Variants in PITPNA observed in about 807,000 individuals in gnomAD.
PITPNA encodes the protein phosphatidylinositol transfer protein alpha, also known as phosphatidylinositol transfer protein alpha isoform.
A neutral mutation model predicts 50.3 loss-of-function variants in PITPNA; 13 were observed. The observed-to-expected ratio is 0.26, with a 90% confidence interval of 0.17 to 0.41. PITPNA has a LOEUF of 0.41. PITPNA is among the 10% of genes least tolerant of loss of function. PITPNA has a pLI of 1.00. For missense variants in PITPNA, 207 were observed against 333.4 expected (o/e 0.62, Z 2.95); for synonymous variants, 120 against 119.6 (o/e 1.00, Z -0.02).
At position 1,519,062 on chromosome 17, in the gene PITPNA, T is replaced by G. The variant is rs908047357; in HGVS notation, c.*1499A>C. The G allele has an allele frequency of 4.6e-5, 7 of 152,372 alleles. No homozygotes were observed. The highest frequency in any genetic ancestry group is 1.4e-4 in the African/African-American group (6 of 41,428). The allele number at this position is 152,372 out of a possible 1,614,324, so 9.4% of individuals were successfully genotyped here. A position where few individuals can be genotyped will look rare whatever the true frequency, so the allele number is the denominator to read the frequency against. On this transcript the variant is annotated 3_prime_UTR_variant, in exon 12 of 12. Coordinates refer to ENST00000313486, the MANE Select transcript of PITPNA (RefSeq NM_006224.4). ...GCCCCAGGAGGGCCACAGGGAAGCA[T>G]CCATCAGGATGTCACAGGTGCAATC... is the stretch of plus-strand genomic sequence containing the variant.
Position 1,534,133 on chromosome 17 carries a change from C to A in PITPNA, c.734G>T (p.Arg245Met), listed in dbSNP as rs200738801. 2.5e-6 allele frequency: 4 copies of A among 1,613,772 alleles called. No homozygotes were observed. Among genetic ancestry groups the A allele is most frequent in the Non-Finnish European group, 3.4e-6 (4 of 1,179,854 alleles). Reference sequence around the variant, plus strand: ...CTGTCTCTTCGTCTCTTCTTCCATCCTTCGAATGTCGTCCATGGTCAGGTC... The same window carrying A: ...CTGTCTCTTCGTCTCTTCTTCCATCATTCGAATGTCGTCCATGGTCAGGTC... ...WVDLTMDDIR[R>M]MEEETKRQLD... The change falls in exon 10 of 12, where the codon AGG becomes ATG. Residue 245 changes from arginine to methionine, a missense_variant. Transcript: ENST00000313486.
intron 1 of PITPNA, 118 bp from the exon 2 acceptor site, chr17:1,558,677 G>A (rs904474195): frequency 8.3e-6 from 6 of 727,154 alleles, no homozygotes; most frequent in Non-Finnish European, 1.5e-5. Context: ...TAAATTCAGT[G>A]ACGAAAACCC....
chr17:1,548,231 G>A lies in PITPNA; in HGVS notation c.289+65C>T, dbSNP rs567335782. 15 of 1,051,386 alleles carry A rather than the reference G, an allele frequency of 1.4e-5. No individual in the cohort carries two copies. The African/African-American group carries it at 1.8e-4, about 12-fold the overall frequency. 65.1% of individuals were successfully genotyped at this position (1,051,386 alleles called of 1,614,324 possible). On this transcript the variant is annotated intron_variant, in intron 4 of 11. Transcript: ENST00000313486. ...CTTTCCCTGGCCTAATCCGGAACAC[G>A]CAGGTGGGACCCACAGCTCTGCTGC...
chr17:1,552,523 C>A (rs1011899494), intron 3 of PITPNA, among the ~76,000 whole-genome samples: 1 of 152,114 alleles, frequency 6.6e-6, no homozygotes, highest in Admixed American at 6.5e-5. Context: ...ATTTCTCTAG[C>A]GATCGATTTC....
intron 10 of PITPNA, among the ~76,000 whole-genome samples, chr17:1,529,869 A>AAAAAAG (rs1555530805): frequency 2.5e-3 from 380 of 152,212 alleles, no homozygotes; most frequent in African/African-American, 8.7e-3. Flanking sequence ...GAAAAAAAAA[A>AAAAAAG]AAAGAAAACA....
Position 1,550,048 on chromosome 17 carries a change from G to A in PITPNA, c.198-1661C>T, listed in dbSNP as rs144882226. On this transcript the variant is annotated intron_variant, in intron 3 of 11. Coordinates refer to ENST00000313486, the MANE Select transcript of PITPNA (RefSeq NM_006224.4). Reference sequence around the variant, plus strand: ...CAACCTCATCAGCTTTAGTGCCTCAGGCCTAAGAAAGAAGAGCAAACTAGA... The same window carrying A: ...CAACCTCATCAGCTTTAGTGCCTCAAGCCTAAGAAAGAAGAGCAAACTAGA... Among the ~76,000 whole-genome samples, 622 of 152,290 alleles carry A rather than the reference G, an allele frequency of 4.1e-3. 4 individuals are homozygous for A. Among genetic ancestry groups the A allele is most frequent in the African/African-American group, 0.014 (568 of 41,548 alleles).
chr17:1,556,398 G>T (rs2075735073), intron 2 of PITPNA, among the ~76,000 whole-genome samples: 1 of 152,138 alleles, frequency 6.6e-6, no homozygotes. Context: ...CATCACAAGT[G>T]AACACCCGCC....
rs1438691232 is a variant in PITPNA at position 1,520,068 on chromosome 17, CATT to C, written c.*490_*492del. On this transcript the variant is annotated 3_prime_UTR_variant, in exon 12 of 12. Transcript: ENST00000313486. The stretch of plus-strand genomic sequence containing the variant: ...GTGGAAGCGGTGCGGGGCAGGGAAA[CATT>C]GTATCTTTAGCTCATCCCCGCTCCC... The C allele has an allele frequency of 6.6e-6, 1 of 152,310 alleles. No individual in the cohort carries two copies. The highest frequency in any genetic ancestry group is 2.4e-5 in the African/African-American group (1 of 41,548). 9.4% of individuals were successfully genotyped at this position (152,310 alleles called of 1,614,324 possible).
At chr17:1,542,610 C>A (rs567658658) in intron 5 of PITPNA, among the ~76,000 whole-genome samples, 6 of 152,274 alleles carry the variant, frequency 3.9e-5, no homozygotes, top group Admixed American at 3.9e-4. Flanking sequence ...ACAGAGGGGA[C>A]GGCTGTGGAA....
intron 9 of PITPNA, 103 bp from the exon 10 acceptor site, chr17:1,534,324 C>A (rs1279833558): frequency 2.1e-6 from 3 of 1,433,774 alleles, no homozygotes; most frequent in South Asian, 2.4e-5. Context: ...AGACTGGGGA[C>A]GGGCGGACAG....
At chr17:1,547,177 TG>T (rs2075679163) in intron 4 of PITPNA, among the ~76,000 whole-genome samples, 1 of 127,656 alleles carries the variant, frequency 7.8e-6, no homozygotes. Context: ...CTGGGCAACA[TG>T]GTGAGACCCC....
intron 10 of PITPNA, among the ~76,000 whole-genome samples, chr17:1,527,734 G>C (rs566606278): frequency 6.6e-6 from 1 of 152,322 alleles, no homozygotes; most frequent in African/African-American, 2.4e-5. Context: ...ATAGTAAAGT[G>C]TCAATGTTAA....
intron 6 of PITPNA, 131 bp downstream of exon 6, chr17:1,541,435 C>T (rs1354541140): frequency 1.4e-6 from 1 of 701,222 alleles, no homozygotes; most frequent in African/African-American, 1.8e-5. Context: ...TAAGATAGGT[C>T]TAGGCAGAGG....
At chr17:1,558,749 A>C (rs933185355) in intron 1 of PITPNA, among the ~76,000 whole-genome samples, 190 bp from the exon 2 acceptor site, 4 of 137,992 alleles carry the variant, frequency 2.9e-5, no homozygotes, top group African/African-American at 8.2e-5. Context: ...GAGGTGTAAG[A>C]CACTAAACTC....
At chr17:1,551,025 G>A (rs1003351290) in intron 3 of PITPNA, among the ~76,000 whole-genome samples, 4 of 149,120 alleles carry the variant, frequency 2.7e-5, no homozygotes, top group Admixed American at 2.0e-4. Context: ...GGAGTCAGCG[G>A]GACCTGATGG....
At chr17:1,532,481 G>C (rs536873491) in intron 10 of PITPNA, among the ~76,000 whole-genome samples, 2 of 152,306 alleles carry the variant, frequency 1.3e-5, no homozygotes, top group South Asian at 2.1e-4. Flanking sequence ...AGATCCAGTA[G>C]ATCCTCTGGA....
Position 1,520,716 on chromosome 17 carries a change from C to T in PITPNA, c.*23-178G>A, listed in dbSNP as rs575327618. 4.6e-5 allele frequency among the ~76,000 whole-genome samples: 7 copies of T among 151,698 alleles called. No homozygotes were observed. The East Asian group carries it at 1.4e-3, about 29-fold the overall frequency. ...AGAAGCTGGCATCACAGCAGTCCGCCTCATTCCACCCTCCAGCCTCCCCGA... is the reference window on the plus strand; with the variant it reads ...AGAAGCTGGCATCACAGCAGTCCGCTTCATTCCACCCTCCAGCCTCCCCGA... On this transcript the variant is annotated intron_variant, in intron 11 of 11. Coordinates refer to ENST00000313486, the MANE Select transcript of PITPNA (RefSeq NM_006224.4).
chr17:1,533,765 C>T (rs979267389), intron 10 of PITPNA, among the ~76,000 whole-genome samples: 6 of 152,196 alleles, frequency 3.9e-5, no homozygotes, highest in Non-Finnish European at 7.3e-5. Context: ...TGCCTCCTCC[C>T]AGGGTCACCT....
At chr17:1,546,657 G>A (rs1273786174) in intron 4 of PITPNA, among the ~76,000 whole-genome samples, 1 of 152,126 alleles carries the variant, frequency 6.6e-6, no homozygotes, top group Non-Finnish European at 1.5e-5. Flanking sequence ...CTACCTCACA[G>A]ACAAGTGCCA....
Sources: allele counts gnomAD v4.1 joint callset (sites outside exome capture counted in the v4.1 genomes callset), GRCh38; gene constraint gnomAD v4.1.1; transcripts MANE v1.5; gene names NCBI Gene and HGNC (gene_info 2026-07-23, HGNC 2026-07-21).